ZDHHC5: variants seen among roughly 807,000 people sequenced by gnomAD.
ZDHHC5 encodes palmitoyltransferase ZDHHC5.
Under a neutral mutation model 70.0 loss-of-function variants are expected in ZDHHC5, and 22 were observed. The observed-to-expected ratio is 0.31, with a 90% confidence interval of 0.22 to 0.45. The LOEUF (loss-of-function observed/expected upper bound fraction) is 0.45. ZDHHC5 is among the 20% of genes least tolerant of loss of function. The pLI is 1.00. For synonymous variants in ZDHHC5, 313 were observed against 347.8 expected (o/e 0.90, Z 1.11); for missense variants, 746 against 926.9 (o/e 0.80, Z 2.53).
chr11:57,687,463 T>G (rs371721335), intron 3 of ZDHHC5, among the ~76,000 whole-genome samples: 1 of 151,850 alleles, frequency 6.6e-6, no homozygotes, highest in African/African-American at 2.4e-5. Flanking sequence ...CCCAGCTGTT[T>G]GGGAGGCTGA....
intron 10 of ZDHHC5, among the ~76,000 whole-genome samples, chr11:57,697,258 T>A (rs1182380542): frequency 2.0e-5 from 3 of 149,756 alleles, no homozygotes; most frequent in African/African-American, 7.4e-5. Flanking sequence ...GTCAGGAGAT[T>A]GAGACCATCC....
At chr11:57,684,688 TAGG>T (rs1401814480) in intron 3 of ZDHHC5, among the ~76,000 whole-genome samples, 2 of 152,166 alleles carry the variant, frequency 1.3e-5, no homozygotes, top group Non-Finnish European at 2.9e-5. Flanking sequence ...CTTTCTGGAA[TAGG>T]AGGGGAGAGA....
At chr11:57,682,648 A>T in intron 3 of ZDHHC5, 105 bp downstream of exon 3, 1 of 1,378,578 alleles carries the variant, frequency 7.3e-7, no homozygotes. Context: ...GGATTTTGGG[A>T]TATGAAAAAT....
chr11:57,684,040 C>T (rs1241558598), intron 3 of ZDHHC5, among the ~76,000 whole-genome samples: 1 of 142,562 alleles, frequency 7.0e-6, no homozygotes, highest in African/African-American at 2.6e-5. Context: ...GGCGCAATCA[C>T]GGCTCACTGC....
rs758222553 is a variant in ZDHHC5, at chr11:57,698,816, C to T, written c.1380C>T (p.Ala460=). The change falls in exon 11 of 12, where the codon GCC becomes GCT. Residue 460 remains alanine (A), a synonymous_variant. Coordinates refer to ENST00000287169, the MANE Select transcript of ZDHHC5 (RefSeq NM_015457.3). ...GTTSTSYKSL[A]NQTRNGSLSY... The stretch of plus-strand genomic sequence containing the variant: ...CCTCCACCTCCTATAAGAGCCTGGC[C>T]AACCAGACACGCAATGGAAGCCTAT... 2 of 1,614,222 alleles carry T rather than the reference C, an allele frequency of 1.2e-6. No homozygotes were observed. The highest frequency in any genetic ancestry group is 8.5e-7 in the Non-Finnish European group (1 of 1,180,046).
At chr11:57,671,060 C>T (rs966424842) in intron 1 of ZDHHC5, among the ~76,000 whole-genome samples, 13 of 152,136 alleles carry the variant, frequency 8.5e-5, no homozygotes, top group African/African-American at 2.7e-4. Context: ...AAGTTATCAT[C>T]TCTGGGCAGG....
intron 3 of ZDHHC5, among the ~76,000 whole-genome samples, chr11:57,686,491 T>G (rs1342199422): frequency 6.6e-6 from 1 of 151,904 alleles, no homozygotes; most frequent in Non-Finnish European, 1.5e-5. Flanking sequence ...AATTTTTGTA[T>G]TTTTAGTAGA....
Position 57,699,291 on chromosome 11 carries a change from G to A in ZDHHC5, c.1855G>A (p.Val619Ile). 6.2e-7 allele frequency: 1 copy of A among 1,614,244 alleles called. No individual in the cohort carries two copies. The highest frequency in any genetic ancestry group is 2.2e-5 in the East Asian group (1 of 44,888). The change falls in exon 11 of 12, where the codon GTA becomes ATA. Residue 619 changes from valine to isoleucine, a missense_variant. By Grantham distance (29) the Val-to-Ile change is conservative. Coordinates refer to ENST00000287169, the MANE Select transcript of ZDHHC5 (RefSeq NM_015457.3). ...GCCAGATGGGCTAAGGGGCCGGGGA[G>A]TAGGGTCCCCTGAACCAGGCCCAAC... ...GKPDGLRGRGVGSPEPGPTAP... is the reference protein window; with the variant it reads ...GKPDGLRGRGIGSPEPGPTAP...
rs749685518 is a variant in ZDHHC5 at position 57,700,211 on chromosome 11, C to T, written c.*180C>T. Reference sequence around the variant, plus strand: ...GGCTTGGGGAGTCGGAGAGTTGGGGCCCTGAGACTGGGGTAGCAACCCCCC... The same window carrying T: ...GGCTTGGGGAGTCGGAGAGTTGGGGTCCTGAGACTGGGGTAGCAACCCCCC... On this transcript the variant is annotated 3_prime_UTR_variant, in exon 12 of 12. Coordinates refer to ENST00000287169, the MANE Select transcript of ZDHHC5 (RefSeq NM_015457.3). 1 of 713,896 alleles carries T rather than the reference C, an allele frequency of 1.4e-6. No homozygotes were observed. The highest frequency in any genetic ancestry group is 2.1e-6 in the Non-Finnish European group (1 of 478,522). The allele number at this position is 713,896 out of a possible 1,614,324, so 44.2% of individuals were successfully genotyped here.
At chr11:57,697,395 G>A (rs1019580453) in intron 10 of ZDHHC5, among the ~76,000 whole-genome samples, 1 of 152,046 alleles carries the variant, frequency 6.6e-6, no homozygotes, top group African/African-American at 2.4e-5. Context: ...CCCAGGAAGC[G>A]GAGCTTGCAG....
rs1039068843 is a variant in ZDHHC5 at position 57,692,722 on chromosome 11, C to A, written c.752+20C>A. 19 of 1,612,618 alleles carry A rather than the reference C, an allele frequency of 1.2e-5. No homozygotes were observed. Among genetic ancestry groups the A allele is most frequent in the East Asian group, 2.2e-5 (1 of 44,868 alleles). ...ACCCAGGTACACCTATCCCTCTGGT[C>A]TAGTGTTTACCATTGGTCAGAACTT... On this transcript the variant is annotated intron_variant, in intron 7 of 11. Transcript: ENST00000287169.
rs374809195 is a variant in ZDHHC5 at position 57,696,855 on chromosome 11, G to A, written c.1104G>A (p.Pro368=). The part of the protein sequence containing the change: ...YSSSSTSAAM[P]HSSSAKLSRG... ...GCAGCAGTACGTCAGCTGCCATGCC[G>A]CATTCCTCCAGCGCCAAGGTACTGA... The change falls in exon 10 of 12, where the codon CCG becomes CCA. Residue 368 remains proline (P), a synonymous_variant. Coordinates refer to ENST00000287169, the MANE Select transcript of ZDHHC5 (RefSeq NM_015457.3). 13 of 1,613,584 alleles carry A rather than the reference G, an allele frequency of 8.1e-6. No individual in the cohort carries two copies. The East Asian group carries it at 8.9e-5, about 11-fold the overall frequency.
chr11:57,696,712 C>G (rs1946355944), intron 9 of ZDHHC5, 49 bp from the exon 10 acceptor site: 1 of 1,568,406 alleles, frequency 6.4e-7, no homozygotes, highest in Non-Finnish European at 8.8e-7. Context: ...GTCTCTTAAA[C>G]CAAAAAACCG....
rs552673847 is a variant in ZDHHC5 at position 57,696,246 on chromosome 11, G to A, written c.1009+203G>A. 3.3e-5 allele frequency among the ~76,000 whole-genome samples: 5 copies of A among 152,304 alleles called. No individual in the cohort carries two copies. In the South Asian group the frequency reaches 6.2e-4, roughly 19 times the overall value. ...ATTGGCAGTGAATGGGACTTTTGCC[G>A]GGAAAATGGTCAGCCTCTAGGCAGA... On this transcript the variant is annotated intron_variant, in intron 9 of 11. Coordinates refer to ENST00000287169, the MANE Select transcript of ZDHHC5 (RefSeq NM_015457.3).
chr11:57,693,409 T>C (rs1170513331), intron 7 of ZDHHC5, among the ~76,000 whole-genome samples: 1 of 152,172 alleles, frequency 6.6e-6, no homozygotes, highest in Non-Finnish European at 1.5e-5. Context: ...CCTCCTGCTA[T>C]GTGGCCCAGT....
chr11:57,674,309 T>C (rs1946043793), intron 2 of ZDHHC5, among the ~76,000 whole-genome samples: 1 of 148,972 alleles, frequency 6.7e-6, no homozygotes, highest in African/African-American at 2.4e-5. Flanking sequence ...CCTTCCCTTT[T>C]TCCTCAGTTT....
Position 57,699,375 on chromosome 11 carries a change from T to C in ZDHHC5, c.1939T>C (p.Ser647Pro). The part of the protein sequence containing the change: ...YSSQKAQPGV[S>P]ETEEVALQPL... ...CAGCCAAAAAGCCCAACCTGGTGTC[T>C]CTGAGACAGAAGAAGTGGCCTTGCA... The change falls in exon 11 of 12, where the codon TCT (serine) becomes CCT (proline). Residue 647 changes from serine (S) to proline (P), a missense_variant. Ser to Pro is a moderately conservative substitution (Grantham distance 74, BLOSUM62 -1). Around this residue, in one of 6 missense-constraint regions of ZDHHC5, gnomAD observed 340 missense variants for 350.1 expected, o/e 0.97. Coordinates refer to ENST00000287169, the MANE Select transcript of ZDHHC5 (RefSeq NM_015457.3). 6.3e-7 allele frequency: 1 copy of C among 1,599,970 alleles called. No individual in the cohort carries two copies. The highest frequency in any genetic ancestry group is 8.5e-7 in the Non-Finnish European group (1 of 1,172,214).
At chr11:57,697,627 A>C (rs1946370811) in intron 10 of ZDHHC5, among the ~76,000 whole-genome samples, 1 of 136,596 alleles carries the variant, frequency 7.3e-6, no homozygotes, top group South Asian at 2.4e-4. Context: ...TGGGTGACAG[A>C]GTGAGAGTCC....
chr11:57,673,277 C>A, intron 2 of ZDHHC5, 83 bp downstream of exon 2: 1 of 1,379,114 alleles, frequency 7.3e-7, no homozygotes, highest in Non-Finnish European at 1.0e-6. Context: ...TTGAGTTTTG[C>A]AAAGCCAAGT....
Sources: gnomAD v4.1 joint callset for allele counts (sites outside exome capture counted in the v4.1 genomes callset) on GRCh38, gnomAD v4.1.1 for gene constraint, gnomAD v4.1.1 regional missense constraint, MANE v1.5 for transcripts, NCBI Gene and HGNC (gene_info 2026-07-23, HGNC 2026-07-21) for gene names.